Variants in CORO2A observed in about 807,000 individuals in gnomAD.
The protein encoded by CORO2A is coronin 2A.
Under a neutral mutation model 62.4 loss-of-function variants are expected in CORO2A, and 47 were observed. That is an observed-to-expected ratio of 0.75 (90% CI 0.60 to 0.96). CORO2A has a LOEUF of 0.96. Ranked by LOEUF, CORO2A falls within the 40% of genes least tolerant of loss-of-function variation. The probability of loss-of-function intolerance (pLI) is 0.00; values close to 1 mark genes in which losing one functional copy is unlikely to be tolerated. For synonymous variants in CORO2A, 273 were observed against 268.9 expected, an observed-to-expected ratio of 1.02 and a Z score of -0.15; for missense variants, 610 against 684.1, an observed-to-expected ratio of 0.89 and a Z score of 1.21.
intron 7 of CORO2A, 133 bp downstream of exon 7, chr9:98,130,822 G>A: frequency 1.5e-6 from 1 of 687,846 alleles, no homozygotes; most frequent in East Asian, 2.9e-5. Flanking sequence ...GGGTGGGAGG[G>A]GTTCCTTCTC....
At chr9:98,131,934 C>T (rs984327899) in intron 6 of CORO2A, among the ~76,000 whole-genome samples, 1 of 152,118 alleles carries the variant, frequency 6.6e-6, no homozygotes, top group African/African-American at 2.4e-5. Context: ...ACTCAGCTAC[C>T]TCCCCTCCTC....
intron 1 of CORO2A, among the ~76,000 whole-genome samples, chr9:98,186,245 C>CT (rs1320229876): frequency 2.6e-5 from 4 of 151,300 alleles, no homozygotes; most frequent in African/African-American, 9.8e-5. Flanking sequence ...CTTACTTTAC[C>CT]TATCTGTGAA....
chr9:98,154,910 G>C (rs1827782095), intron 2 of CORO2A, among the ~76,000 whole-genome samples: 1 of 152,190 alleles, frequency 6.6e-6, no homozygotes, highest in South Asian at 2.1e-4. Context: ...TTATGCTTCT[G>C]TTCTGGTGGA....
chr9:98,162,291 C>T (rs1284518315), intron 1 of CORO2A, among the ~76,000 whole-genome samples: 2 of 152,178 alleles, frequency 1.3e-5, no homozygotes, highest in African/African-American at 4.8e-5. Flanking sequence ...TCACCTCTGT[C>T]CCTAAGAGGA....
chr9:98,141,377 A>AG, intron 2 of CORO2A, among the ~76,000 whole-genome samples: 1 of 114,858 alleles, frequency 8.7e-6, no homozygotes, highest in South Asian at 3.0e-4. Flanking sequence ...TTGGACATGG[A>AG]GTCTCGTCTT....
At chr9:98,128,572 C>G (rs1184922194) in intron 9 of CORO2A, 35 bp downstream of exon 9, 2 of 1,585,196 alleles carry the variant, frequency 1.3e-6, no homozygotes, top group South Asian at 1.1e-5. Flanking sequence ...GACAGGTTCC[C>G]CACCTGCCTC....
At chr9:98,132,460 G>C (rs557124942) in intron 5 of CORO2A, among the ~76,000 whole-genome samples, 159 bp from the exon 6 acceptor site, 1 of 152,168 alleles carries the variant, frequency 6.6e-6, no homozygotes, top group African/African-American at 2.4e-5. Context: ...GGCACCACCT[G>C]GATCCCTCTC....
chr9:98,156,214 A>AT (rs1827801400), intron 2 of CORO2A, among the ~76,000 whole-genome samples: 1 of 151,492 alleles, frequency 6.6e-6, no homozygotes, highest in Admixed American at 6.6e-5. Context: ...TAATTTTTGT[A>AT]TTTTTTGTAC....
chr9:98,171,888 G>A (rs1404763943), intron 1 of CORO2A, among the ~76,000 whole-genome samples: 1 of 152,126 alleles, frequency 6.6e-6, no homozygotes, highest in African/African-American at 2.4e-5. Context: ...GTGTAACTGG[G>A]GGTGTGACAT....
chr9:98,153,120 G>A (rs1481690477), intron 2 of CORO2A, among the ~76,000 whole-genome samples: 1 of 152,182 alleles, frequency 6.6e-6, no homozygotes, highest in Non-Finnish European at 1.5e-5. Context: ...GTTATTTTGA[G>A]ACGGAGTTTT....
intron 1 of CORO2A, among the ~76,000 whole-genome samples, chr9:98,173,326 G>A (rs750440117): frequency 6.6e-6 from 1 of 152,154 alleles, no homozygotes; most frequent in African/African-American, 2.4e-5. Context: ...CACAACTATC[G>A]CTCAGTTTAC....
At chr9:98,191,253 C>T (rs751789178) in intron 1 of CORO2A, among the ~76,000 whole-genome samples, 2 of 89,150 alleles carry the variant, frequency 2.2e-5, no homozygotes, top group African/African-American at 8.5e-5. Context: ...ACCTCTCAGA[C>T]GGTCCCCAGG....
chr9:98,181,579 T>C (rs1000065143), intron 1 of CORO2A, among the ~76,000 whole-genome samples: 6 of 152,086 alleles, frequency 3.9e-5, no homozygotes, highest in Non-Finnish European at 7.4e-5. Flanking sequence ...GCGGCCATTG[T>C]TCTACTTCCC....
At chr9:98,142,517 G>A (rs993346863) in intron 2 of CORO2A, among the ~76,000 whole-genome samples, 4 of 152,220 alleles carry the variant, frequency 2.6e-5, no homozygotes, top group Non-Finnish European at 4.4e-5. Flanking sequence ...GGCACTGATT[G>A]CTCTCCGGGC....
intron 3 of CORO2A, among the ~76,000 whole-genome samples, chr9:98,136,380 A>C (rs562713829): frequency 8.5e-5 from 13 of 152,332 alleles, no homozygotes; most frequent in Admixed American, 8.5e-4. Context: ...ATCCTCTTTG[A>C]ATTTTCTGCC....
chr9:98,178,684 C>G (rs1330254102), intron 1 of CORO2A, among the ~76,000 whole-genome samples: 2 of 152,108 alleles, frequency 1.3e-5, no homozygotes, highest in African/African-American at 4.8e-5. Flanking sequence ...TGCCTGACAC[C>G]CCAGCTGGCG....
chr9:98,152,285 TTTTA>T (rs1469926587), intron 2 of CORO2A, among the ~76,000 whole-genome samples: 1 of 151,852 alleles, frequency 6.6e-6, no homozygotes, highest in African/African-American at 2.4e-5. Flanking sequence ...TTATTCCTGA[TTTTA>T]TTTTATTTTA....
intron 2 of CORO2A, among the ~76,000 whole-genome samples, chr9:98,143,385 G>A (rs1827600770): frequency 6.6e-6 from 1 of 152,200 alleles, no homozygotes; most frequent in South Asian, 2.1e-4. Context: ...GGCCTCAAAT[G>A]AGCATCCCAA....
chr9:98,127,278 G>A (rs914906588), intron 10 of CORO2A, among the ~76,000 whole-genome samples: 1 of 152,194 alleles, frequency 6.6e-6, no homozygotes, highest in South Asian at 2.1e-4. Flanking sequence ...ACTAGGACTC[G>A]GCCCTGGTCC....
Sources: allele counts gnomAD v4.1 joint callset (sites outside exome capture counted in the v4.1 genomes callset), GRCh38; gene constraint gnomAD v4.1.1; transcripts MANE v1.5; gene names NCBI Gene and HGNC (gene_info 2026-07-23, HGNC 2026-07-21).